ACTR3C: variants seen among roughly 807,000 people sequenced by gnomAD.
The protein encoded by ACTR3C is actin-related protein 3C.
A neutral mutation model predicts 26.3 loss-of-function variants in ACTR3C; 18 were observed. The ratio of observed to expected loss-of-function variants is 0.68; its 90% CI spans 0.47 to 1.01. The LOEUF (loss-of-function observed/expected upper bound fraction) is 1.01. Among genes scored for constraint, ACTR3C ranks in the 50% least tolerant of loss-of-function variants. The probability of loss-of-function intolerance (pLI) is 0.00; values close to 1 mark genes in which losing one functional copy is unlikely to be tolerated. For missense variants in ACTR3C, 184 were observed against 250.7 expected (o/e 0.73, Z 1.80); for synonymous variants, 55 against 94.5 (o/e 0.58, Z 2.42).
chr7:150,152,602 T>C, the ACTR3C span, among the ~76,000 whole-genome samples: 3 of 152,222 alleles, frequency 2.0e-5, no homozygotes, highest in Non-Finnish European at 1.5e-5. Flanking sequence ...AAAATTCTCC[T>C]TTTTGGTTGT....
chr7:149,968,868 A>G, the ACTR3C span, among the ~76,000 whole-genome samples: 1 of 152,150 alleles, frequency 6.6e-6, no homozygotes, highest in Admixed American at 6.5e-5. Flanking sequence ...GGTAAACCTC[A>G]GAGATGCTGG....
chr7:150,051,977 G>T, the ACTR3C span, among the ~76,000 whole-genome samples: 1 of 152,244 alleles, frequency 6.6e-6, no homozygotes, highest in Non-Finnish European at 1.5e-5. Flanking sequence ...TTTTCTCTGG[G>T]TGCTGAGGGA....
At chr7:149,993,997 G>C in the ACTR3C span, among the ~76,000 whole-genome samples, 1 of 152,216 alleles carries the variant, frequency 6.6e-6, no homozygotes, top group Non-Finnish European at 1.5e-5. Context: ...GAGAGGAACA[G>C]CAATGATTAA....
At chr7:150,027,144 T>G in the ACTR3C span, among the ~76,000 whole-genome samples, 1 of 152,250 alleles carries the variant, frequency 6.6e-6, no homozygotes, top group Non-Finnish European at 1.5e-5. Context: ...ACCTGATACC[T>G]CGGTATGGGG....
At chr7:149,885,900 G>C in the ACTR3C span, among the ~76,000 whole-genome samples, 1 of 152,256 alleles carries the variant, frequency 6.6e-6, no homozygotes, top group African/African-American at 2.4e-5. Context: ...GCTCAGCTCA[G>C]CTTGGAGGTT....
chr7:149,907,658 GATA>G, the ACTR3C span, among the ~76,000 whole-genome samples: 1 of 151,734 alleles, frequency 6.6e-6, no homozygotes, highest in Non-Finnish European at 1.5e-5. Context: ...ATGAAATCCT[GATA>G]ATAACTGTCT....
chr7:150,011,561 G>A, the ACTR3C span, among the ~76,000 whole-genome samples: 406 of 152,102 alleles, frequency 2.7e-3, 2 homozygotes, highest in African/African-American at 9.4e-3. Flanking sequence ...TTCCAGCCTG[G>A]GTGACAGTTT....
chr7:150,014,329 G>A, the ACTR3C span, among the ~76,000 whole-genome samples: 15 of 152,100 alleles, frequency 9.9e-5, no homozygotes, highest in Admixed American at 4.6e-4. Context: ...GGTGGCGGGC[G>A]CCTGCAGTCC....
the ACTR3C span, among the ~76,000 whole-genome samples, chr7:150,161,202 TTATATATA>T: frequency 9.8e-4 from 101 of 103,004 alleles, 5 homozygotes; most frequent in Middle Eastern, 4.2e-3. Context: ...AGGAAAGTAT[TTATATATA>T]TATATATATA....
At chr7:150,276,948 C>T (rs972485865) in intron 6 of ACTR3C, among the ~76,000 whole-genome samples, 9 of 152,208 alleles carry the variant, frequency 5.9e-5, no homozygotes, top group South Asian at 2.1e-4. Flanking sequence ...AGACACTAAC[C>T]GAGGTGTTGC....
chr7:150,132,346 A>T, the ACTR3C span, among the ~76,000 whole-genome samples: 5 of 152,230 alleles, frequency 3.3e-5, no homozygotes, highest in African/African-American at 4.8e-5. Context: ...TAGCTTTAAA[A>T]ATGTCCATTT....
intron 6 of ACTR3C, chr7:150,264,594 A>G (rs1467372159): frequency 1.0e-4 from 99 of 976,142 alleles, no homozygotes; most frequent in Non-Finnish European, 1.2e-4. Context: ...TATACTGTAT[A>G]TAAATGTATA....
At chr7:149,924,100 G>A in the ACTR3C span, among the ~76,000 whole-genome samples, 1 of 151,510 alleles carries the variant, frequency 6.6e-6, no homozygotes, top group African/African-American at 2.4e-5. Flanking sequence ...TCCTAGCCAG[G>A]CACGGTGGCT....
At chr7:149,964,373 C>G in the ACTR3C span, among the ~76,000 whole-genome samples, 1 of 152,172 alleles carries the variant, frequency 6.6e-6, no homozygotes, top group South Asian at 2.1e-4. Context: ...TCTTTCGAGA[C>G]TACTGAACCG....
At chr7:149,980,562 A>C in the ACTR3C span, among the ~76,000 whole-genome samples, 1 of 152,240 alleles carries the variant, frequency 6.6e-6, no homozygotes, top group Non-Finnish European at 1.5e-5. Flanking sequence ...AAATTATATA[A>C]AAAGGTTTTA....
the ACTR3C span, among the ~76,000 whole-genome samples, chr7:150,146,859 G>C: frequency 6.6e-6 from 1 of 152,156 alleles, no homozygotes; most frequent in Non-Finnish European, 1.5e-5. Context: ...TTTATTTTGA[G>C]CAATTGAGAA....
intron 4 of ACTR3C, among the ~76,000 whole-genome samples, chr7:150,287,718 G>A (rs907633617): frequency 2.0e-5 from 3 of 149,608 alleles, no homozygotes; most frequent in Non-Finnish European, 4.4e-5. Flanking sequence ...ATACTCTAGC[G>A]GAATTTTAAG....
At chr7:150,100,624 C>A in the ACTR3C span, among the ~76,000 whole-genome samples, 1 of 151,584 alleles carries the variant, frequency 6.6e-6, no homozygotes, top group Non-Finnish European at 1.5e-5. Context: ...GTAAACATTG[C>A]AAAGCAAATT....
the ACTR3C span, among the ~76,000 whole-genome samples, chr7:150,135,490 T>C: frequency 1.3e-5 from 2 of 152,144 alleles, no homozygotes; most frequent in Admixed American, 1.3e-4. Flanking sequence ...AACATTCAAA[T>C]AGCAGATGCA....
Sources: gnomAD v4.1 joint callset for allele counts (sites outside exome capture counted in the v4.1 genomes callset) on GRCh38, gnomAD v4.1.1 for gene constraint, MANE v1.5 for transcripts, NCBI Gene and HGNC (gene_info 2026-07-23, HGNC 2026-07-21) for gene names.